Variants in ZFAT observed in about 807,000 individuals in gnomAD.
The protein encoded by ZFAT is zinc finger protein ZFAT.
A neutral mutation model predicts 117.7 loss-of-function variants in ZFAT; 64 were observed. That is an observed-to-expected ratio of 0.54 (90% CI 0.44 to 0.67). The LOEUF (loss-of-function observed/expected upper bound fraction) is 0.67. Ranked by LOEUF, ZFAT falls within the 30% of genes least tolerant of loss-of-function variation. ZFAT has a pLI of 0.00. For missense variants in ZFAT, 1,433 were observed against 1,584.5 expected (o/e 0.90, Z 1.62); for synonymous variants, 679 against 615.0 (o/e 1.10, Z -1.54).
At chr8:134,829,303 T>G in the ZFAT span, among the ~76,000 whole-genome samples, 21 of 152,246 alleles carry the variant, frequency 1.4e-4, 1 homozygote, top group South Asian at 4.1e-4. Context: ...GCATTTGATG[T>G]GTGGCCCAAG....
the ZFAT span, chr8:134,784,402 A>T: frequency 6.6e-6 from 1 of 152,208 alleles, no homozygotes; most frequent in Non-Finnish European, 1.5e-5. Context: ...GTAAAATTGG[A>T]AATATATAAA....
intron 9 of ZFAT, 87 bp from the exon 10 acceptor site, chr8:134,584,092 C>A: frequency 7.6e-7 from 1 of 1,323,844 alleles, no homozygotes; most frequent in Non-Finnish European, 1.0e-6. Context: ...ATATCCATAT[C>A]TAAATACACT....
chr8:134,601,365 G>C, intron 6 of ZFAT, 112 bp downstream of exon 6: 1 of 1,439,440 alleles, frequency 6.9e-7, no homozygotes. Flanking sequence ...GGAGGAGGAT[G>C]GCTCACTTAG....
chr8:134,810,132 A>G, the ZFAT span, among the ~76,000 whole-genome samples: 4 of 152,234 alleles, frequency 2.6e-5, no homozygotes, highest in African/African-American at 9.6e-5. Context: ...AGTGCGTTCC[A>G]TGATTCATAC....
chr8:134,820,550 T>C, the ZFAT span, among the ~76,000 whole-genome samples: 1 of 152,330 alleles, frequency 6.6e-6, no homozygotes, highest in Admixed American at 6.5e-5. Flanking sequence ...TTATCACAGA[T>C]TGGCTTCAGC....
chr8:134,771,391 T>C, the ZFAT span, among the ~76,000 whole-genome samples: 3 of 152,218 alleles, frequency 2.0e-5, no homozygotes, highest in African/African-American at 7.2e-5. Flanking sequence ...CTTAGAAATT[T>C]CTTCTATCAG....
At chr8:134,611,423 A>C (rs1191291995) in intron 3 of ZFAT, among the ~76,000 whole-genome samples, 1 of 152,190 alleles carries the variant, frequency 6.6e-6, no homozygotes, top group Non-Finnish European at 1.5e-5. Context: ...TGTGGTGACA[A>C]CTCCATAGGA....
At chr8:134,721,237 T>G in the ZFAT span, among the ~76,000 whole-genome samples, 5 of 152,306 alleles carry the variant, frequency 3.3e-5, no homozygotes, top group Admixed American at 3.3e-4. Flanking sequence ...ACGGGCCGCA[T>G]GTCCCAGGGT....
chr8:134,600,239 T>G, intron 7 of ZFAT, 197 bp downstream of exon 7: 1 of 629,072 alleles, frequency 1.6e-6, no homozygotes, highest in Non-Finnish European at 2.8e-6. Context: ...ATCTAATCTC[T>G]TTTTTCAACG....
intron 15 of ZFAT, among the ~76,000 whole-genome samples, chr8:134,501,468 C>T (rs1217798074): frequency 2.0e-5 from 3 of 152,130 alleles, no homozygotes; most frequent in African/African-American, 7.2e-5. Context: ...TACAATTATA[C>T]ATACTCTTAA....
the ZFAT span, among the ~76,000 whole-genome samples, chr8:134,754,955 C>G: frequency 9.9e-5 from 15 of 152,244 alleles, no homozygotes; most frequent in East Asian, 2.9e-3. Context: ...ATGGAGAAAG[C>G]GGGTCTCGGA....
At chr8:134,587,600 G>A (rs1826160264) in intron 9 of ZFAT, among the ~76,000 whole-genome samples, 1 of 152,128 alleles carries the variant, frequency 6.6e-6, no homozygotes, top group Admixed American at 6.5e-5. Flanking sequence ...TAATCCCCAG[G>A]AGGGCCATGT....
At chr8:134,709,543 TA>T (rs1206778645) in intron 1 of ZFAT, among the ~76,000 whole-genome samples, 1 of 152,116 alleles carries the variant, frequency 6.6e-6, no homozygotes, top group Non-Finnish European at 1.5e-5. Context: ...TTTAACAGGG[TA>T]AACAGCTGAG....
chr8:134,605,544 A>G (rs11776585), intron 5 of ZFAT, among the ~76,000 whole-genome samples: 2 of 143,768 alleles, frequency 1.4e-5, no homozygotes, highest in Non-Finnish European at 3.0e-5. Context: ...ACAGAGCCAG[A>G]CCCCATCTCA....
chr8:134,582,758 C>T (rs1239636742), intron 10 of ZFAT, among the ~76,000 whole-genome samples: 1 of 151,948 alleles, frequency 6.6e-6, no homozygotes, highest in South Asian at 2.1e-4. Context: ...TGCCAAGGGC[C>T]CAACCCCCAC....
At chr8:134,754,928 G>A in the ZFAT span, among the ~76,000 whole-genome samples, 2 of 152,162 alleles carry the variant, frequency 1.3e-5, no homozygotes, top group African/African-American at 4.8e-5. Context: ...TCAAAGAACA[G>A]AGCCAAGAGA....
At chr8:134,666,298 C>T (rs929509711) in intron 1 of ZFAT, among the ~76,000 whole-genome samples, 7 of 152,188 alleles carry the variant, frequency 4.6e-5, no homozygotes, top group Non-Finnish European at 7.3e-5. Context: ...GCAGTACCCC[C>T]TTGTCCACAC....
At chr8:134,557,776 T>C (rs1823758991) in intron 11 of ZFAT, among the ~76,000 whole-genome samples, 1 of 152,214 alleles carries the variant, frequency 6.6e-6, no homozygotes, top group Admixed American at 6.5e-5. Flanking sequence ...TTACACTATA[T>C]GTAAATGGAC....
At chr8:134,682,780 G>A (rs1318428078) in intron 1 of ZFAT, among the ~76,000 whole-genome samples, 1 of 152,162 alleles carries the variant, frequency 6.6e-6, no homozygotes, top group African/African-American at 2.4e-5. Context: ...CCCAACCTCG[G>A]CTCCCTCCCC....
Sources: allele counts gnomAD v4.1 joint callset (sites outside exome capture counted in the v4.1 genomes callset), GRCh38; gene constraint gnomAD v4.1.1; transcripts MANE v1.5; gene names NCBI Gene and HGNC (gene_info 2026-07-23, HGNC 2026-07-21).